The following PCDH15 variants were observed in gnomAD, a reference collection of about 807,000 sequenced individuals.
The protein encoded by PCDH15 is protocadherin-15.
PCDH15 carries 129 observed loss-of-function variants against 178.5 expected under a neutral mutation model. That is an observed-to-expected ratio of 0.72 (90% CI 0.63 to 0.84). PCDH15 has a LOEUF of 0.84. PCDH15 is among the 40% of genes least tolerant of loss of function. The probability of loss-of-function intolerance (pLI) is 0.00; values close to 1 mark genes in which losing one functional copy is unlikely to be tolerated. For missense variants in PCDH15, 2,230 were observed against 2,099.9 expected, an observed-to-expected ratio of 1.06 and a Z score of -1.21; for synonymous variants, 800 against 732.0, an observed-to-expected ratio of 1.09 and a Z score of -1.50.
intron 1 of PCDH15, among the ~76,000 whole-genome samples, chr10:54,788,343 T>A (rs1356208051): frequency 6.6e-6 from 1 of 151,830 alleles, no homozygotes; most frequent in Non-Finnish European, 1.5e-5. Flanking sequence ...ACCTTATGAA[T>A]CTGAAATAAT....
chr10:53,996,885 C>A (rs538700042), intron 20 of PCDH15, among the ~76,000 whole-genome samples: 1 of 152,098 alleles, frequency 6.6e-6, no homozygotes, highest in East Asian at 1.9e-4. Flanking sequence ...TTCTCACTTG[C>A]TAGTAAAAAC....
At position 54,079,437 on chromosome 10, in the gene PCDH15, C is replaced by G. The variant is rs727504616; in HGVS notation, c.1998-13G>C. 3 of 1,601,420 alleles carry G rather than the reference C, an allele frequency of 1.9e-6. No individual in the cohort carries two copies. The highest frequency in any genetic ancestry group is 2.2e-5 in the East Asian group (1 of 44,770). ...TAGAATCCCCGTGCTAGTGACAAAACAAACAAACAAATAAGACAAAAAGAG... is the reference window on the plus strand; with the variant it reads ...TAGAATCCCCGTGCTAGTGACAAAAGAAACAAACAAATAAGACAAAAAGAG... On this transcript the variant is annotated splice_polypyrimidine_tract_variant and intron_variant, in intron 16 of 37. Transcript: ENST00000644397.
At chr10:55,417,420 G>A (rs1301728034) in intron 2 of PCDH15, among the ~76,000 whole-genome samples, 1 of 151,548 alleles carries the variant, frequency 6.6e-6, no homozygotes, top group African/African-American at 2.4e-5. Flanking sequence ...TTATAAAAAA[G>A]GAAAAGTAAT....
chr10:54,660,336 T>A (rs1256951363), intron 2 of PCDH15, among the ~76,000 whole-genome samples: 3 of 151,968 alleles, frequency 2.0e-5, no homozygotes, highest in Admixed American at 6.6e-5. Context: ...ACTATGAATA[T>A]CTCTGTGATC....
rs1351329410 is a variant in PCDH15, at chr10:54,242,171, TATATATATATATATATAC to T, written c.877-5258_877-5241del. ...ATATATATATATATATATATATATATATATATATATATATATACACACACACACATACATACATACACA... is the reference window on the plus strand; with the variant it reads ...ATATATATATATATATATATATATATACACACACACATACATACATACACA... On this transcript the variant is annotated intron_variant, in intron 8 of 37. Coordinates refer to ENST00000644397, the MANE Select transcript of PCDH15 (RefSeq NM_001384140.1). Among the ~76,000 whole-genome samples, 838 of 97,782 alleles carry T rather than the reference TATATATATATATATATAC, an allele frequency of 8.6e-3. 19 individuals carry two copies. The highest frequency in any genetic ancestry group is 0.013 in the South Asian group (40 of 3,182). The allele number at this position is 97,782 out of a possible 152,430, so 64.1% of individuals were successfully genotyped here. A position where few individuals can be genotyped will look rare whatever the true frequency, so the allele number is the denominator to read the frequency against.
At chr10:55,117,276 G>A (rs1013445958) in intron 2 of PCDH15, among the ~76,000 whole-genome samples, 1 of 152,152 alleles carries the variant, frequency 6.6e-6, no homozygotes, top group East Asian at 1.9e-4. Flanking sequence ...TGTTCCTGTG[G>A]TGAATCTGCA....
At chr10:54,148,331 C>T (rs1459793660) in intron 14 of PCDH15, among the ~76,000 whole-genome samples, 1 of 152,012 alleles carries the variant, frequency 6.6e-6, no homozygotes, top group Non-Finnish European at 1.5e-5. Context: ...CTAAAATCTG[C>T]AGATAATCAA....
At chr10:54,997,791 C>T (rs1298073951) in intron 2 of PCDH15, among the ~76,000 whole-genome samples, 1 of 151,934 alleles carries the variant, frequency 6.6e-6, no homozygotes, top group African/African-American at 2.4e-5. Flanking sequence ...TCTAGATAAA[C>T]TGCTAAAAAA....
At chr10:54,516,936 C>A (rs1364298938) in intron 3 of PCDH15, among the ~76,000 whole-genome samples, 1 of 152,050 alleles carries the variant, frequency 6.6e-6, no homozygotes, top group East Asian at 1.9e-4. Flanking sequence ...ATTTTCAACC[C>A]AGAATTTCAT....
intron 2 of PCDH15, among the ~76,000 whole-genome samples, chr10:54,646,220 G>T (rs565936797): frequency 6.6e-6 from 1 of 151,792 alleles, no homozygotes; most frequent in Non-Finnish European, 1.5e-5. Context: ...TCCCACTTTC[G>T]CAGTATAAAT....
intron 2 of PCDH15, among the ~76,000 whole-genome samples, chr10:55,015,775 C>A (rs1319517578): frequency 1.3e-5 from 2 of 152,082 alleles, no homozygotes; most frequent in South Asian, 2.1e-4. Flanking sequence ...GCGCTAGGTG[C>A]CTTGTTTTAT....
intron 1 of PCDH15, among the ~76,000 whole-genome samples, chr10:54,709,601 TATATATATAC>T (rs1280436809): frequency 1.9e-3 from 236 of 127,408 alleles, no homozygotes; most frequent in African/African-American, 4.1e-3. Flanking sequence ...TTCATATATA[TATATATATAC>T]ATATATATAT....
chr10:55,491,983 T>C (rs560076553), intron 2 of PCDH15, among the ~76,000 whole-genome samples: 2 of 151,656 alleles, frequency 1.3e-5, no homozygotes, highest in East Asian at 4.0e-4. Flanking sequence ...AAATCATCAA[T>C]AGAGAGCAAA....
At chr10:54,708,801 T>TGCGCAC (rs2095395044) in intron 1 of PCDH15, among the ~76,000 whole-genome samples, 1 of 125,568 alleles carries the variant, frequency 8.0e-6, no homozygotes, top group African/African-American at 2.8e-5. Context: ...TGTGTGTGTG[T>TGCGCAC]GCGCGCGCGT....
At chr10:54,230,329 T>C (rs2053917655) in intron 9 of PCDH15, among the ~76,000 whole-genome samples, 1 of 152,106 alleles carries the variant, frequency 6.6e-6, no homozygotes, top group Admixed American at 6.6e-5. Context: ...AAGAACCCAG[T>C]TGTGTAGCAC....
intron 2 of PCDH15, among the ~76,000 whole-genome samples, chr10:55,458,481 CT>C (rs1839601677): frequency 6.6e-6 from 1 of 151,972 alleles, no homozygotes; most frequent in Non-Finnish European, 1.5e-5. Context: ...TTAAATTTGT[CT>C]GTTTTAAAGA....
chr10:55,341,780 TATATATATATATATATATA>T (rs1844570972), intron 2 of PCDH15, among the ~76,000 whole-genome samples: 1 of 10,056 alleles, frequency 9.9e-5, no homozygotes, highest in Non-Finnish European at 2.3e-4. Flanking sequence ...TATATATATA[TATATATATATATATATATA>T]TATATATTTT....
intron 3 of PCDH15, among the ~76,000 whole-genome samples, chr10:54,402,819 C>T (rs1952104677): frequency 6.6e-6 from 1 of 151,952 alleles, no homozygotes; most frequent in African/African-American, 2.4e-5. Context: ...TCCATCTCTT[C>T]AGGCCTCTGT....
intron 26 of PCDH15, among the ~76,000 whole-genome samples, chr10:53,876,129 C>CA (rs2080210477): frequency 6.6e-6 from 1 of 151,472 alleles, no homozygotes; most frequent in Non-Finnish European, 1.5e-5. Flanking sequence ...TTGCAAAAAG[C>CA]AAAAATAACA....
Sources: gnomAD v4.1 joint callset for allele counts (sites outside exome capture counted in the v4.1 genomes callset) on GRCh38, gnomAD v4.1.1 for gene constraint, MANE v1.5 for transcripts, NCBI Gene and HGNC (gene_info 2026-07-23, HGNC 2026-07-21) for gene names.